Variants in ZMAT4 observed in about 807,000 individuals in gnomAD.
The protein encoded by ZMAT4 is zinc finger matrin-type 4.
A neutral mutation model predicts 28.7 loss-of-function variants in ZMAT4; 17 were observed. That is an observed-to-expected ratio of 0.59 (90% CI 0.41 to 0.89). ZMAT4 has a LOEUF of 0.89. Ranked by LOEUF, ZMAT4 falls within the 40% of genes least tolerant of loss-of-function variation. The pLI, the probability that ZMAT4 is intolerant of heterozygous loss-of-function variation, is 0.00. For missense variants in ZMAT4, 240 were observed against 283.8 expected (o/e 0.85, Z 1.11); for synonymous variants, 117 against 109.2 (o/e 1.07, Z -0.44).
intron 6 of ZMAT4, among the ~76,000 whole-genome samples, chr8:40,577,498 G>A (rs557980153): frequency 6.6e-5 from 10 of 152,186 alleles, no homozygotes; most frequent in Non-Finnish European, 1.2e-4. Flanking sequence ...GAGTCAAATC[G>A]TGGTTACTAG....
intron 3 of ZMAT4, among the ~76,000 whole-genome samples, chr8:40,743,602 C>T (rs529317367): frequency 5.3e-5 from 8 of 152,338 alleles, no homozygotes; most frequent in African/African-American, 1.4e-4. Context: ...AGGACCACAG[C>T]GGACTAATAG....
intron 3 of ZMAT4, among the ~76,000 whole-genome samples, chr8:40,737,484 G>A (rs115264838): frequency 0.011 from 1,703 of 151,884 alleles, 32 homozygotes; most frequent in African/African-American, 0.039. Context: ...AATCCAAGAG[G>A]AAAAAAATAA....
chr8:40,634,571 A>T (rs1245025359), intron 5 of ZMAT4, among the ~76,000 whole-genome samples: 1 of 152,232 alleles, frequency 6.6e-6, no homozygotes. Flanking sequence ...AATGTCATGC[A>T]TCAAGCAGTT....
intron 5 of ZMAT4, among the ~76,000 whole-genome samples, chr8:40,619,034 CACCT>C (rs1288586751): frequency 6.6e-6 from 1 of 152,156 alleles, no homozygotes; most frequent in African/African-American, 2.4e-5. Flanking sequence ...GGAGTAGTCC[CACCT>C]GAGAGGTGAG....
chr8:40,787,357 T>C (rs1170815231), intron 2 of ZMAT4, among the ~76,000 whole-genome samples: 2 of 152,234 alleles, frequency 1.3e-5, no homozygotes, highest in African/African-American at 4.8e-5. Flanking sequence ...CATCCATCAA[T>C]AAATTTAATG....
At chr8:40,794,326 A>T (rs1814489600) in intron 2 of ZMAT4, among the ~76,000 whole-genome samples, 1 of 152,132 alleles carries the variant, frequency 6.6e-6, no homozygotes, top group Non-Finnish European at 1.5e-5. Flanking sequence ...ATCTCCCCTG[A>T]CTCAGACATG....
intron 3 of ZMAT4, among the ~76,000 whole-genome samples, chr8:40,699,145 G>A (rs1171119218): frequency 2.0e-5 from 3 of 152,136 alleles, no homozygotes; most frequent in Admixed American, 6.6e-5. Flanking sequence ...TAGGAGACAG[G>A]ATGGAAGCCA....
chr8:40,565,162 C>T lies in ZMAT4; in HGVS notation c.674+16003G>A, dbSNP rs182958382. 2.0e-5 allele frequency among the ~76,000 whole-genome samples: 3 copies of T among 152,244 alleles called. No individual in the cohort carries two copies. The East Asian group carries it at 5.8e-4, about 29-fold the overall frequency. On this transcript the variant is annotated intron_variant, in intron 6 of 6. Coordinates refer to ENST00000297737, the MANE Select transcript of ZMAT4 (RefSeq NM_024645.3). ...TTGCTCTTAACATAAGTTTTAAACC[C>T]TGGTTTCTTCCCTTACTTAATAGCA...
At chr8:40,585,534 A>T (rs1461982247) in intron 5 of ZMAT4, among the ~76,000 whole-genome samples, 1 of 152,142 alleles carries the variant, frequency 6.6e-6, no homozygotes, top group African/African-American at 2.4e-5. Flanking sequence ...ACTCCCATAA[A>T]AATCATACTC....
At chr8:40,585,670 C>T (rs1035025020) in intron 5 of ZMAT4, among the ~76,000 whole-genome samples, 6 of 152,114 alleles carry the variant, frequency 3.9e-5, no homozygotes, top group Non-Finnish European at 7.4e-5. Flanking sequence ...AAGATTATTA[C>T]GGTCCCCAAA....
chr8:40,874,446 G>A (rs1378123169), intron 1 of ZMAT4, among the ~76,000 whole-genome samples: 2 of 152,226 alleles, frequency 1.3e-5, no homozygotes, highest in Non-Finnish European at 2.9e-5. Context: ...GGGAGTAAAT[G>A]TCAGCATTCA....
intron 4 of ZMAT4, among the ~76,000 whole-genome samples, chr8:40,694,891 A>G (rs774429448): frequency 6.6e-6 from 1 of 152,116 alleles, no homozygotes; most frequent in South Asian, 2.1e-4. Flanking sequence ...CTGACCATAA[A>G]GAAATTATCT....
chr8:40,844,200 T>A (rs1453708578), intron 1 of ZMAT4, among the ~76,000 whole-genome samples: 1 of 152,220 alleles, frequency 6.6e-6, no homozygotes. Context: ...GGTAATTTTA[T>A]GTGTCAACTT....
At chr8:40,596,523 G>A (rs531004179) in intron 5 of ZMAT4, among the ~76,000 whole-genome samples, 2 of 152,142 alleles carry the variant, frequency 1.3e-5, no homozygotes, top group African/African-American at 4.8e-5. Context: ...TGTGAAAAAT[G>A]AGGACATAAA....
At chr8:40,658,878 A>G (rs942147991) in intron 5 of ZMAT4, among the ~76,000 whole-genome samples, 1 of 151,968 alleles carries the variant, frequency 6.6e-6, no homozygotes, top group Non-Finnish European at 1.5e-5. Context: ...CTTATTCCAA[A>G]TGTTCACCTC....
chr8:40,849,667 T>C (rs958046146), intron 1 of ZMAT4, among the ~76,000 whole-genome samples: 2 of 152,162 alleles, frequency 1.3e-5, no homozygotes, highest in Non-Finnish European at 2.9e-5. Context: ...GTTCTCTCCA[T>C]GTCCACAGCA....
chr8:40,585,945 G>A (rs1026382728), intron 5 of ZMAT4, among the ~76,000 whole-genome samples: 2 of 152,086 alleles, frequency 1.3e-5, no homozygotes, highest in African/African-American at 2.4e-5. Context: ...TTTAAAAATG[G>A]GCATTTTTAA....
chr8:40,690,738 G>C (rs565528037), intron 4 of ZMAT4, among the ~76,000 whole-genome samples: 2 of 152,002 alleles, frequency 1.3e-5, no homozygotes, highest in Non-Finnish European at 2.9e-5. Flanking sequence ...ATTCAACAGA[G>C]AACTTAAATA....
At chr8:40,657,561 G>A (rs1186300848) in intron 5 of ZMAT4, among the ~76,000 whole-genome samples, 1 of 151,916 alleles carries the variant, frequency 6.6e-6, no homozygotes, top group Non-Finnish European at 1.5e-5. Context: ...TCTATATAAT[G>A]TGTAATTCTT....
Sources: gnomAD v4.1 joint callset for allele counts (sites outside exome capture counted in the v4.1 genomes callset) on GRCh38, gnomAD v4.1.1 for gene constraint, MANE v1.5 for transcripts, NCBI Gene and HGNC (gene_info 2026-07-23, HGNC 2026-07-21) for gene names.